Variants in ZDHHC21 observed in about 807,000 individuals in gnomAD.
ZDHHC21 encodes the protein zDHHC palmitoyltransferase 21, also known as palmitoyltransferase ZDHHC21.
Under a neutral mutation model 34.6 loss-of-function variants are expected in ZDHHC21, and 15 were observed. The observed-to-expected ratio is 0.43, with a 90% CI of 0.29 to 0.67. The LOEUF is 0.67. ZDHHC21 is among the 30% of genes least tolerant of loss of function. ZDHHC21 has a pLI of 0.14. For missense variants in ZDHHC21, 344 were observed against 327.7 expected, an observed-to-expected ratio of 1.05 and a Z score of -0.38; for synonymous variants, 142 against 101.8, an observed-to-expected ratio of 1.40 and a Z score of -2.38.
chr9:14,691,611 C>G (rs568003528), intron 1 of ZDHHC21, among the ~76,000 whole-genome samples: 11 of 152,244 alleles, frequency 7.2e-5, no homozygotes, highest in Non-Finnish European at 1.6e-4. Flanking sequence ...CAAAGTACCT[C>G]GTAGGCAAAA....
chr9:14,598,084 G>A, the ZDHHC21 span, among the ~76,000 whole-genome samples: 5 of 152,064 alleles, frequency 3.3e-5, no homozygotes, highest in South Asian at 4.2e-4. Context: ...AGGGCCCACC[G>A]ACCTCTCTGG....
rs765695016 is a variant in ZDHHC21 at position 14,619,655 on chromosome 9, T to G, written c.649A>C (p.Asn217His). Residue 217 changes from asparagine (N) to histidine (H), a missense_variant, in exon 9 of 10, where the codon AAC becomes CAC. Physicochemically the swap from Asn to His is moderately conservative, Grantham distance 68 (BLOSUM62 1). Coordinates refer to ENST00000380916, the MANE Select transcript of ZDHHC21 (RefSeq NM_178566.6). ...TATACTTACATATCTTCACAACAGT[T>G]TGACATCTTTTCAATAGATGTTGTA... ...TDTTSIEKMS[N>H]CCEDISRPRK... 7.1e-7 allele frequency: 1 copy of G among 1,409,956 alleles called. No homozygotes were observed. The highest frequency in any genetic ancestry group is 9.7e-7 in the Non-Finnish European group (1 of 1,025,770). The allele number at this position is 1,409,956 out of a possible 1,614,324, so 87.3% of individuals were successfully genotyped here. A position where few individuals can be genotyped will look rare whatever the true frequency, so the allele number is the denominator to read the frequency against.
chr9:14,640,318 A>AAG (rs989643691), intron 7 of ZDHHC21, among the ~76,000 whole-genome samples: 2 of 150,658 alleles, frequency 1.3e-5, no homozygotes, highest in Non-Finnish European at 3.0e-5. Context: ...GAAAAAAAAA[A>AAG]AAAAAAAGAA....
the ZDHHC21 span, among the ~76,000 whole-genome samples, chr9:14,590,815 A>G: frequency 6.6e-6 from 1 of 152,314 alleles, no homozygotes; most frequent in East Asian, 1.9e-4. Context: ...AACGAAGAGC[A>G]CCAGAAATGA....
At chr9:14,673,349 G>A (rs539973563) in intron 4 of ZDHHC21, among the ~76,000 whole-genome samples, 1 of 152,062 alleles carries the variant, frequency 6.6e-6, no homozygotes, top group East Asian at 1.9e-4. Context: ...CTCTGAATTA[G>A]TGATGTTCAA....
At chr9:14,625,092 T>C (rs1200942082) in intron 8 of ZDHHC21, among the ~76,000 whole-genome samples, 1 of 149,704 alleles carries the variant, frequency 6.7e-6, no homozygotes, top group Non-Finnish European at 1.5e-5. Context: ...CAGTAGCTCA[T>C]TTAACTTTAA....
intron 7 of ZDHHC21, among the ~76,000 whole-genome samples, chr9:14,643,552 A>G (rs1377751743): frequency 6.6e-6 from 1 of 152,188 alleles, no homozygotes; most frequent in Non-Finnish European, 1.5e-5. Context: ...CTTTTCCTTT[A>G]GTGCTTTTTA....
At chr9:14,648,588 C>T (rs879302042) in intron 7 of ZDHHC21, among the ~76,000 whole-genome samples, 1 of 152,100 alleles carries the variant, frequency 6.6e-6, no homozygotes, top group Admixed American at 6.6e-5. Flanking sequence ...TCTTCCTTGA[C>T]TATATCCACC....
At chr9:14,634,197 G>A (rs973471058) in intron 8 of ZDHHC21, among the ~76,000 whole-genome samples, 24 of 152,192 alleles carry the variant, frequency 1.6e-4, no homozygotes, top group Admixed American at 1.5e-3. Context: ...GCCACCTGCA[G>A]GTCTGAGGGC....
chr9:14,671,504 A>C (rs937217574), intron 5 of ZDHHC21, among the ~76,000 whole-genome samples: 11 of 152,146 alleles, frequency 7.2e-5, no homozygotes, highest in African/African-American at 2.7e-4. Context: ...AGGGAGGATC[A>C]AACTAAAACT....
intron 4 of ZDHHC21, 63 bp downstream of exon 4, chr9:14,674,124 A>C: frequency 8.5e-7 from 1 of 1,171,080 alleles, no homozygotes; most frequent in South Asian, 2.2e-5. Context: ...GTGGCACTAC[A>C]CCCCAAAAAC....
chr9:14,602,127 C>T, the ZDHHC21 span, among the ~76,000 whole-genome samples: 3 of 151,712 alleles, frequency 2.0e-5, no homozygotes, highest in Non-Finnish European at 4.4e-5. Flanking sequence ...ACACATGCAT[C>T]CCAGAACTTA....
chr9:14,666,356 T>A (rs923064584), intron 5 of ZDHHC21, among the ~76,000 whole-genome samples: 4 of 132,996 alleles, frequency 3.0e-5, no homozygotes, highest in Non-Finnish European at 6.6e-5. Flanking sequence ...AATCAAGTCC[T>A]GAGTGACCTA....
the ZDHHC21 span, among the ~76,000 whole-genome samples, chr9:14,605,674 G>T: frequency 6.6e-6 from 1 of 152,168 alleles, no homozygotes; most frequent in African/African-American, 2.4e-5. Context: ...TAGCTATGCA[G>T]AAGCTTTTAA....
intron 7 of ZDHHC21, among the ~76,000 whole-genome samples, chr9:14,646,440 C>T (rs144453354): frequency 1.9e-3 from 284 of 152,028 alleles, no homozygotes; most frequent in African/African-American, 4.5e-3. Context: ...ACATATAAAA[C>T]ATAAAAGTTA....
chr9:14,670,945 T>A (rs920365828), intron 5 of ZDHHC21, among the ~76,000 whole-genome samples: 66 of 152,050 alleles, frequency 4.3e-4, no homozygotes, highest in African/African-American at 1.5e-3. Flanking sequence ...CCACAAAGGA[T>A]CTTGGCGACT....
At position 14,672,855 on chromosome 9, in the gene ZDHHC21, A is replaced by T; in HGVS notation, c.228T>A (p.Pro76=). ...RASITDPGRL[P]ENPKIPHGER... ...CTCCATGTGGGATCTTGGGGTTCTCAGGGAGTCTTCCTGGATCAGTTATGG... is the reference window on the plus strand; with the variant it reads ...CTCCATGTGGGATCTTGGGGTTCTCTGGGAGTCTTCCTGGATCAGTTATGG... Residue 76 remains proline, a synonymous_variant, in exon 5 of 10, where the codon CCT becomes CCA. Transcript: ENST00000380916. 1 of 1,608,972 alleles carries T rather than the reference A, an allele frequency of 6.2e-7. No homozygotes were observed.
chr9:14,594,688 G>C, the ZDHHC21 span, among the ~76,000 whole-genome samples: 3 of 152,092 alleles, frequency 2.0e-5, no homozygotes, highest in African/African-American at 7.2e-5. Flanking sequence ...TTTTAAAAAT[G>C]ATAAATTGGA....
intron 6 of ZDHHC21, among the ~76,000 whole-genome samples, chr9:14,661,296 T>C (rs1204532427): frequency 1.3e-5 from 2 of 152,016 alleles, no homozygotes; most frequent in East Asian, 3.8e-4. Flanking sequence ...TTATCAAAAA[T>C]AAAGAAAACT....
Sources: allele counts gnomAD v4.1 joint callset (sites outside exome capture counted in the v4.1 genomes callset), GRCh38; gene constraint gnomAD v4.1.1; transcripts MANE v1.5; gene names NCBI Gene and HGNC (gene_info 2026-07-23, HGNC 2026-07-21).